ST6GALNAC2: variants seen among roughly 807,000 people sequenced by gnomAD.
ST6GALNAC2 encodes alpha-N-acetylgalactosaminide alpha-2,6-sialyltransferase 2.
In ST6GALNAC2, 42 loss-of-function variants were observed where a neutral mutation model predicts 38.7. The ratio of observed to expected loss-of-function variants is 1.09; its 90% CI spans 0.85 to 1.40. ST6GALNAC2 has a LOEUF of 1.40. Ranked by LOEUF, ST6GALNAC2 falls within the 40% of genes most tolerant of loss-of-function variation. The pLI is 0.00. For synonymous variants in ST6GALNAC2, 233 were observed against 209.0 expected (o/e 1.11, Z -0.99); for missense variants, 506 against 481.7 (o/e 1.05, Z -0.47).
At position 76,573,006 on chromosome 17, in the gene ST6GALNAC2, C is replaced by G. The variant is rs543465921; in HGVS notation, c.530+189G>C. On this transcript the variant is annotated intron_variant, in intron 4 of 8. Transcript: ENST00000225276. The surrounding 1 kb of genome is among the most constrained non-coding windows in gnomAD (Gnocchi z 5.1). ...CTGGCGGCTGCTTCCTCCTGGGTCCCCTGCATGGGCACCCATGCTCCGTCC... is the reference window on the plus strand; with the variant it reads ...CTGGCGGCTGCTTCCTCCTGGGTCCGCTGCATGGGCACCCATGCTCCGTCC... Among the ~76,000 whole-genome samples the G allele has an allele frequency of 1.8e-4, 27 of 152,298 alleles. No individual in the cohort carries two copies. The highest frequency in any genetic ancestry group is 1.6e-3 in the Admixed American group (25 of 15,300).
intron 2 of ST6GALNAC2, 47 bp from the exon 3 acceptor site, chr17:76,574,586 G>T (rs1598254164): frequency 1.4e-6 from 2 of 1,466,686 alleles, no homozygotes; most frequent in Non-Finnish European, 1.9e-6. Flanking sequence ...TAGGGGCTGG[G>T]GTGGGTGGGG....
rs1210455631 is a variant in ST6GALNAC2 at position 76,566,258 on chromosome 17, C to G, written c.971G>C (p.Gly324Ala). Residue 324 changes from glycine to alanine, a missense_variant, in exon 9 of 9, where the codon GGA (glycine) becomes GCA (alanine). Transcript: ENST00000225276. Reference protein sequence around the residue: ...LHTCDQVSAYGFITSNYWKFS... With the variant: ...LHTCDQVSAYAFITSNYWKFS... ...TTTCCAGTAGTTGCTTGTGATGAAT[C>G]CATAGGCACTGACCTGGGCAAGGAT... is the stretch of plus-strand genomic sequence containing the variant. The G allele has an allele frequency of 6.2e-7, 1 of 1,613,948 alleles. No homozygotes were observed. The highest frequency in any genetic ancestry group is 8.5e-7 in the Non-Finnish European group (1 of 1,180,022).
intron 2 of ST6GALNAC2, among the ~76,000 whole-genome samples, chr17:76,578,051 C>G (rs966479181): frequency 6.6e-6 from 1 of 152,114 alleles, no homozygotes; most frequent in East Asian, 1.9e-4. Flanking sequence ...TGTATTAATC[C>G]AGAACAACAC....
At position 76,577,872 on chromosome 17, in the gene ST6GALNAC2, G is replaced by A. The variant is rs569590433; in HGVS notation, c.186+884C>T. ...ACAGGTGTGAGCCACCACGTCCAGC[G>A]GCCTCTGTTCCTAAGACAGGGCCCC... On this transcript the variant is annotated intron_variant, in intron 2 of 8. Transcript: ENST00000225276. Among the ~76,000 whole-genome samples, 10 of 152,048 alleles carry A rather than the reference G, an allele frequency of 6.6e-5. No homozygotes were observed. The South Asian group carries it at 8.3e-4, about 13-fold the overall frequency.
intron 5 of ST6GALNAC2, chr17:76,570,951 G>T: frequency 2.7e-6 from 1 of 368,964 alleles, no homozygotes; most frequent in South Asian, 3.6e-5. Flanking sequence ...GATGGTGTGT[G>T]GCTTAGAGAC....
At chr17:76,571,302 C>T (rs2075350567) in intron 5 of ST6GALNAC2, 1 of 152,306 alleles carries the variant, frequency 6.6e-6, no homozygotes, top group Non-Finnish European at 1.5e-5. Flanking sequence ...TGTGGCTACA[C>T]TGAAACTAAG....
rs368168903 is a variant in ST6GALNAC2 at position 76,567,354 on chromosome 17, A to C, written c.957+99T>G. The C allele has an allele frequency of 2.1e-5, 18 of 846,154 alleles. No homozygotes were observed. In the East Asian group the frequency reaches 2.7e-4, roughly 13 times the overall value. 52.4% of individuals were successfully genotyped at this position (846,154 alleles called of 1,614,324 possible). On this transcript the variant is annotated intron_variant, in intron 8 of 8. Coordinates refer to ENST00000225276, the MANE Select transcript of ST6GALNAC2 (RefSeq NM_006456.3). ...CTGGGGATTCCACGAACAGAGGCCAAGAGTCCCAGCTCCGAGGTAAGGGAT... is the reference window on the plus strand; with the variant it reads ...CTGGGGATTCCACGAACAGAGGCCACGAGTCCCAGCTCCGAGGTAAGGGAT...
intron 7 of ST6GALNAC2, chr17:76,567,770 T>C (rs2075303331): frequency 4.1e-6 from 2 of 485,712 alleles, no homozygotes; most frequent in Non-Finnish European, 7.5e-6. Context: ...GTTCCCCCTT[T>C]TGGCAACAGC....
intron 1 of ST6GALNAC2, among the ~76,000 whole-genome samples, chr17:76,580,459 G>T (rs1446741635): frequency 6.7e-6 from 1 of 150,140 alleles, no homozygotes. Context: ...ACTTTGGGAG[G>T]CCTAGGCGGG....
rs549674932 is a variant in ST6GALNAC2 at position 76,570,599 on chromosome 17, C to T, written c.739G>A (p.Val247Met). ...YVMLRSAILG[V>M]PVPEGLDKGD... ...TTATCTAGGCCCTCAGGGACAGGCA[C>T]GCCCAGAATGGCCGATCTCAGCATC... Residue 247 changes from valine (V) to methionine (M), a missense_variant, in exon 6 of 9, where the codon GTG (valine) becomes ATG (methionine). Transcript: ENST00000225276. 12 of 1,613,172 alleles carry T rather than the reference C, an allele frequency of 7.4e-6. No individual in the cohort carries two copies. The highest frequency in any genetic ancestry group is 4.5e-5 in the East Asian group (2 of 44,874).
At chr17:76,572,803 C>T (rs774008556) in intron 4 of ST6GALNAC2, 28 bp from the exon 5 acceptor site, 64 of 1,613,450 alleles carry the variant, frequency 4.0e-5, no homozygotes, top group Non-Finnish European at 5.3e-5. Flanking sequence ...CCATCAGTGT[C>T]TGCGGTTACA....
intron 1 of ST6GALNAC2, among the ~76,000 whole-genome samples, chr17:76,582,164 C>CTTTTT (rs71158025): frequency 1.6e-5 from 1 of 62,044 alleles, no homozygotes; most frequent in Non-Finnish European, 2.9e-5. Flanking sequence ...CGTGCCCAGC[C>CTTTTT]TTTTTTTTTT....
In ST6GALNAC2 at chr17:76,573,077, G is replaced by A; in HGVS notation, c.530+118C>T. 1 of 1,159,010 alleles carries A rather than the reference G, an allele frequency of 8.6e-7. No individual in the cohort carries two copies. The allele number at this position is 1,159,010 out of a possible 1,614,324, so 71.8% of individuals were successfully genotyped here. A position where few individuals can be genotyped will look rare whatever the true frequency, so the allele number is the denominator to read the frequency against. On this transcript the variant is annotated intron_variant, in intron 4 of 8. Transcript: ENST00000225276. This position sits in a 1 kb window ranked among gnomAD's most constrained non-coding sequence, Gnocchi z 5.1. ...TTGCCTTGTCCATGCCCGTGTGCTG[G>A]TCACAACTGCTGAGCCGCCCAGGCC... is the stretch of plus-strand genomic sequence containing the variant.
At chr17:76,572,576 G>A in intron 5 of ST6GALNAC2, 61 bp downstream of exon 5, 1 of 1,600,984 alleles carries the variant, frequency 6.2e-7, no homozygotes, top group Non-Finnish European at 8.5e-7. Flanking sequence ...CCCCACTGAG[G>A]GGACTCCAGG....
In ST6GALNAC2 at chr17:76,572,695, A is replaced by T; in HGVS notation, c.611T>A (p.Met204Lys). Reference protein sequence around the residue: ...TSFYGFTVNTMKNSLVSYWNL... With the variant: ...TSFYGFTVNTKKNSLVSYWNL... ...CCAGTAGGAGACGAGGGAGTTCTTC[A>T]TCGTGTTCACAGTGAAACCATAGAA... The change falls in exon 5 of 9, where the codon ATG (methionine) becomes AAG (lysine). Residue 204 changes from methionine (M) to lysine (K), a missense_variant. Physicochemically the swap from Met to Lys is moderately conservative, Grantham distance 95. Transcript: ENST00000225276. 1.2e-6 allele frequency: 2 copies of T among 1,614,182 alleles called. No homozygotes were observed. Among genetic ancestry groups the T allele is most frequent in the Non-Finnish European group, 1.7e-6 (2 of 1,180,010 alleles).
intron 7 of ST6GALNAC2, chr17:76,568,334 T>C (rs1221684754): frequency 2.4e-5 from 6 of 250,312 alleles, no homozygotes; most frequent in Non-Finnish European, 4.7e-5. Context: ...GGGTTGAGGC[T>C]GGTCCCCGGG....
At chr17:76,570,362 G>A (rs1023153988) in intron 6 of ST6GALNAC2, 69 of 559,908 alleles carry the variant, frequency 1.2e-4, no homozygotes, top group African/African-American at 1.1e-3. Context: ...GGGTCACCTG[G>A]GCTTTCCAGG....
chr17:76,576,927 G>A (rs1427735774), intron 2 of ST6GALNAC2, among the ~76,000 whole-genome samples: 1 of 146,688 alleles, frequency 6.8e-6, no homozygotes, highest in Non-Finnish European at 1.5e-5. Flanking sequence ...CCAAGATGGC[G>A]CCATTGCACT....
intron 2 of ST6GALNAC2, among the ~76,000 whole-genome samples, chr17:76,577,108 C>T (rs2075427039): frequency 6.9e-6 from 1 of 145,952 alleles, no homozygotes; most frequent in South Asian, 2.2e-4. Context: ...CTCTTGTTGC[C>T]CAGGCTGGAG....
Sources: gnomAD v4.1 joint callset for allele counts (sites outside exome capture counted in the v4.1 genomes callset) on GRCh38, gnomAD v4.1.1 for gene constraint, Gnocchi (gnomAD v3.1) non-coding constraint, MANE v1.5 for transcripts, NCBI Gene and HGNC (gene_info 2026-07-23, HGNC 2026-07-21) for gene names.